DPEP2: variants seen among roughly 807,000 people sequenced by gnomAD.
The protein encoded by DPEP2 is dipeptidase 2.
DPEP2 carries 45 observed loss-of-function variants against 51.8 expected under a neutral mutation model. The ratio of observed to expected loss-of-function variants is 0.87; its 90% CI spans 0.68 to 1.11. DPEP2 has a LOEUF of 1.11. Among genes scored for constraint, DPEP2 ranks in the 50% most tolerant of loss-of-function variants. DPEP2 has a pLI of 0.00. For missense variants in DPEP2, 604 were observed against 631.9 expected (o/e 0.96, Z 0.47); for synonymous variants, 255 against 262.7 (o/e 0.97, Z 0.28).
rs1024484214 is a variant in DPEP2 at position 67,993,838 on chromosome 16, G to A, written c.-45-581C>T. On this transcript the variant is annotated intron_variant, in intron 1 of 10. Coordinates refer to ENST00000393847, the MANE Select transcript of DPEP2 (RefSeq NM_022355.4). ...CCCTGTGGACTGGATTCAGGAAGGG[G>A]CCCCCTGGCCCTGACCTTCTCTCTC... is the stretch of plus-strand genomic sequence containing the variant. 1.5e-5 allele frequency: 15 copies of A among 985,368 alleles called. No individual in the cohort carries two copies. The African/African-American group carries it at 2.6e-4, about 17-fold the overall frequency. 61.0% of individuals were successfully genotyped at this position (985,368 alleles called of 1,614,324 possible). A position where few individuals can be genotyped will look rare whatever the true frequency, so the allele number is the denominator to read the frequency against.
intron 1 of DPEP2, chr16:67,993,863 C>G: frequency 1.0e-6 from 1 of 985,518 alleles, no homozygotes; most frequent in African/African-American, 1.7e-5. Context: ...CCTTCTCTCT[C>G]CCGTAACTTA....
chr16:67,991,404 C>G lies in DPEP2; in HGVS notation c.663-220G>C, dbSNP rs984475347. Among the ~76,000 whole-genome samples the G allele has an allele frequency of 1.4e-5, 2 of 147,246 alleles. No homozygotes were observed. Among genetic ancestry groups the G allele is most frequent in the Non-Finnish European group, 3.0e-5 (2 of 67,246 alleles). ...TTTTTTTTGGCAATAGAGTCTCGCT[C>G]TGTCACCCAGGCAGGAGTGCAGTGG... On this transcript the variant is annotated intron_variant, in intron 5 of 10. Coordinates refer to ENST00000393847, the MANE Select transcript of DPEP2 (RefSeq NM_022355.4). The surrounding 1 kb of genome is among the most constrained non-coding windows in gnomAD (Gnocchi z 5.1).
chr16:67,992,748 A>G, intron 2 of DPEP2, 112 bp from the exon 3 acceptor site: 1 of 1,529,062 alleles, frequency 6.5e-7, no homozygotes, highest in African/African-American at 1.4e-5. Flanking sequence ...TCACATGACT[A>G]TACTGAGATC....
intron 7 of DPEP2, among the ~76,000 whole-genome samples, chr16:67,990,474 T>C (rs1205611380): frequency 6.6e-6 from 1 of 152,112 alleles, no homozygotes; most frequent in Non-Finnish European, 1.5e-5. Flanking sequence ...TTTTTGTTTT[T>C]GTTTTCCATG....
intron 1 of DPEP2, among the ~76,000 whole-genome samples, chr16:67,998,519 C>G (rs1567456009): frequency 1.3e-5 from 2 of 152,208 alleles, no homozygotes; most frequent in South Asian, 4.1e-4. Flanking sequence ...GGCTCCTGTG[C>G]GGCCGGAGCC....
Position 67,996,650 on chromosome 16 carries a change from G to A in DPEP2, c.-46+2725C>T, listed in dbSNP as rs144564111. Among the ~76,000 whole-genome samples the A allele has an allele frequency of 5.9e-3, 895 of 152,118 alleles. 5 individuals are homozygous for A. The highest frequency in any genetic ancestry group is 0.02 in the African/African-American group (836 of 41,462). ...ACCCACCACGGCCTCCCAAAGCGCT[G>A]GGATTATAGGTGTGAGCGACCGCAC... On this transcript the variant is annotated intron_variant, in intron 1 of 10. Coordinates refer to ENST00000393847, the MANE Select transcript of DPEP2 (RefSeq NM_022355.4).
Position 67,987,714 on chromosome 16 carries a change from G to A in DPEP2, c.1253C>T (p.Pro418Leu), listed in dbSNP as rs964100978. ...GCAGGAACTGCTCAGCTGCTCATCC[G>A]GGAACTTGTCCTCCAAGGGGCTTTG... ...KWQSPLEDKF[P>L]DEQLSSSCHS... Residue 418 changes from proline (P) to leucine (L), a missense_variant, in exon 11 of 11, where the codon CCG becomes CTG. Transcript: ENST00000393847. The A allele has an allele frequency of 1.2e-6, 2 of 1,614,068 alleles. No individual in the cohort carries two copies. The highest frequency in any genetic ancestry group is 1.3e-5 in the African/African-American group (1 of 75,014).
At chr16:67,999,518 T>G (rs1467377516), upstream of DPEP2, 1 of 986,046 alleles carries the variant, frequency 1.0e-6, no homozygotes, top group Non-Finnish European at 1.2e-6. Context: ...GGCACAGAGA[T>G]GGCTTTGGGT....
At chr16:67,995,212 T>A (rs1042535343) in intron 1 of DPEP2, among the ~76,000 whole-genome samples, 7 of 152,010 alleles carry the variant, frequency 4.6e-5, no homozygotes, top group Admixed American at 2.0e-4. Flanking sequence ...TTTTTTTATT[T>A]TTTATTTATT....
chr16:67,988,151 C>T, intron 9 of DPEP2, 164 bp from the exon 10 acceptor site: 2 of 753,512 alleles, frequency 2.7e-6, no homozygotes, highest in Non-Finnish European at 4.2e-6. Flanking sequence ...AAGGAGGCCT[C>T]AAAACCTCCT....
In DPEP2 at chr16:67,995,968, C is replaced by T. The variant is rs111800169; in HGVS notation, c.-45-2711G>A. Among the ~76,000 whole-genome samples, 841 of 150,756 alleles carry T rather than the reference C, an allele frequency of 5.6e-3. 3 individuals are homozygous for T. Among genetic ancestry groups the T allele is most frequent in the African/African-American group, 0.019 (777 of 40,376 alleles). ...GACAGAGCGAGACCCTGTCTCCCCC[C>T]GCCAAACAACAACAACAACAACAAC... is the stretch of plus-strand genomic sequence containing the variant. On this transcript the variant is annotated intron_variant, in intron 1 of 10. Transcript: ENST00000393847.
Position 67,987,989 on chromosome 16 carries a change from T to A in DPEP2, c.1071-2A>T. ...ACGTCTTCCAGCCCCTGAGGGAATC[T>A]GTGTGGCCACCAGCTAGTGGGTTTC... On this transcript the variant is annotated splice_acceptor_variant, in intron 9 of 10. Transcript: ENST00000393847. LOFTEE classifies it high-confidence loss of function. 1 of 1,614,144 alleles carries A rather than the reference T, an allele frequency of 6.2e-7. No homozygotes were observed. The highest frequency in any genetic ancestry group is 8.5e-7 in the Non-Finnish European group (1 of 1,180,024).
Position 67,993,050 on chromosome 16 carries a change from G to T in DPEP2, c.163C>A (p.Pro55Thr). 1.9e-6 allele frequency: 3 copies of T among 1,580,590 alleles called. No homozygotes were observed. Among genetic ancestry groups the T allele is most frequent in the Non-Finnish European group, 2.6e-6 (3 of 1,162,504 alleles). Residue 55 changes from proline (P) to threonine (T), a missense_variant, in exon 2 of 11, where the codon CCG becomes ACG. Coordinates refer to ENST00000393847, the MANE Select transcript of DPEP2 (RefSeq NM_022355.4). ...TLGAPRAHTM[P>T]GTYAPSTTLS... ...GTGGTCGAGGGAGCGTAGGTGCCCG[G>T]CATGGTGTGGGCTCTGGGGGCGCCC...
At position 67,992,020 on chromosome 16, in the gene DPEP2, A is replaced by G. The variant is rs574441627; in HGVS notation, c.521-41T>C. 1.1e-5 allele frequency: 18 copies of G among 1,613,972 alleles called. No homozygotes were observed. The South Asian group carries it at 1.8e-4, about 16-fold the overall frequency. On this transcript the variant is annotated intron_variant, in intron 4 of 10. Coordinates refer to ENST00000393847, the MANE Select transcript of DPEP2 (RefSeq NM_022355.4). ...TCAGGTGATTACTTTCCAGGGCTGG[A>G]GTAGCTCAATCAAGTTCCTAACGCT...
rs751262522 is a variant in DPEP2, at chr16:67,992,188, C to A, written c.396G>T (p.Trp132Cys). 19 of 1,613,924 alleles carry A rather than the reference C, an allele frequency of 1.2e-5. No homozygotes were observed. In the South Asian group the frequency reaches 1.9e-4, roughly 16 times the overall value. The stretch of plus-strand genomic sequence containing the variant: ...GGGTCTGGCATGGCACATAGGCTGA[C>A]CAGAACTGGGGGGAAGGCCAGGGTT... ...LRDGLVGAQF[W>C]SAYVPCQTQD... Residue 132 changes from tryptophan (W) to cysteine (C), a missense_variant, in exon 4 of 11, where the codon TGG (tryptophan) becomes TGT (cysteine). Trp to Cys is a radical substitution (Grantham distance 215). Coordinates refer to ENST00000393847, the MANE Select transcript of DPEP2 (RefSeq NM_022355.4).
Position 67,993,205 on chromosome 16 carries a change from G to T in DPEP2, c.8C>A (p.Pro3His). The T allele has an allele frequency of 6.8e-7, 1 of 1,468,724 alleles. No individual in the cohort carries two copies. The highest frequency in any genetic ancestry group is 9.0e-7 in the Non-Finnish European group (1 of 1,106,874). The allele number at this position is 1,468,724 out of a possible 1,614,324, so 91.0% of individuals were successfully genotyped here. A position where few individuals can be genotyped will look rare whatever the true frequency, so the allele number is the denominator to read the frequency against. Residue 3 changes from proline (P) to histidine (H), a missense_variant, in exon 2 of 11, where the codon CCC becomes CAC. Transcript: ENST00000393847. Reference sequence around the variant, plus strand: ...CGTGCCGGGACCCTCGAGGCCGGAGGGCTGCATGTTGTGCAGGGCCGGGCA... The same window carrying T: ...CGTGCCGGGACCCTCGAGGCCGGAGTGCTGCATGTTGTGCAGGGCCGGGCA... MQ[P>H]SGLEGPGTFG...
At chr16:67,994,953 G>T in intron 1 of DPEP2, 1 of 947,390 alleles carries the variant, frequency 1.1e-6, no homozygotes, top group Non-Finnish European at 1.3e-6. Context: ...CAGGCTAGAG[G>T]GTAGTGGCAC....
chr16:67,997,706 G>A (rs956439600), intron 1 of DPEP2, among the ~76,000 whole-genome samples: 2 of 152,202 alleles, frequency 1.3e-5, no homozygotes, highest in African/African-American at 4.8e-5. Flanking sequence ...TAGGGAATGG[G>A]CTGGAGGCCA....
rs553642450 is a variant in DPEP2 at position 67,992,997 on chromosome 16, C to T, written c.216G>A (p.Leu72=). 1.2e-6 allele frequency: 2 copies of T among 1,609,220 alleles called. No homozygotes were observed. Among genetic ancestry groups the T allele is most frequent in the South Asian group, 1.1e-5 (1 of 90,178 alleles). ...GCATCAGGGCCCGTGCCTGCTCTTG[C>T]AGGCCCTGGGTGCTGGGACTACTGA... The part of the protein sequence containing the change: ...TTLSSPSTQG[L]QEQARALMRD... The change falls in exon 2 of 11, where the codon CTG becomes CTA. Residue 72 remains leucine (L), a synonymous_variant. Coordinates refer to ENST00000393847, the MANE Select transcript of DPEP2 (RefSeq NM_022355.4).
Sources: gnomAD v4.1 joint callset for allele counts (sites outside exome capture counted in the v4.1 genomes callset) on GRCh38, gnomAD v4.1.1 for gene constraint, Gnocchi (gnomAD v3.1) non-coding constraint, MANE v1.5 for transcripts, NCBI Gene and HGNC (gene_info 2026-07-23, HGNC 2026-07-21) for gene names.